Variants in PCDHA6 observed in about 807,000 individuals in gnomAD.
PCDHA6 encodes the protein protocadherin alpha 6.
Under a neutral mutation model 60.3 loss-of-function variants are expected in PCDHA6, and 55 were observed. That is an observed-to-expected ratio of 0.91 (90% CI 0.73 to 1.14). The LOEUF (loss-of-function observed/expected upper bound fraction) is 1.14, where lower values mean the gene tolerates loss of function less well. Among genes scored for constraint, PCDHA6 ranks in the 50% most tolerant of loss-of-function variants. PCDHA6 has a pLI of 0.00. For missense variants in PCDHA6, 1,327 were observed against 1,256.5 expected (o/e 1.06, Z -0.85); for synonymous variants, 652 against 557.9 (o/e 1.17, Z -2.38).
chr5:140,838,630 TG>T (rs1775811186), intron 1 of PCDHA6, among the ~76,000 whole-genome samples: 3 of 152,046 alleles, frequency 2.0e-5, no homozygotes, highest in African/African-American at 7.3e-5. Flanking sequence ...ACAAATAATT[TG>T]GTTGGTCAAA....
At chr5:140,866,711 G>A (rs1554160494) in intron 1 of PCDHA6, 1 of 152,110 alleles carries the variant, frequency 6.6e-6, no homozygotes, top group African/African-American at 2.4e-5. Flanking sequence ...ACGTGCACTA[G>A]TAAGACATTA....
At chr5:140,937,228 G>A (rs920892612) in intron 1 of PCDHA6, among the ~76,000 whole-genome samples, 1 of 151,718 alleles carries the variant, frequency 6.6e-6, no homozygotes, top group Admixed American at 6.6e-5. Context: ...TTGTAGAGAC[G>A]GGGTTTCACC....
intron 1 of PCDHA6, chr5:140,835,577 G>A: frequency 1.9e-6 from 3 of 1,613,890 alleles, no homozygotes; most frequent in Non-Finnish European, 2.5e-6. Flanking sequence ...TCAAGTTGGT[G>A]TCCACCTTCA....
At chr5:141,002,085 A>G (rs959603404) in intron 3 of PCDHA6, among the ~76,000 whole-genome samples, 1 of 152,244 alleles carries the variant, frequency 6.6e-6, no homozygotes, top group African/African-American at 2.4e-5. Context: ...AAGAACGAGC[A>G]GTCCAGGGGC....
At chr5:140,857,704 G>T in intron 1 of PCDHA6, 1 of 1,597,424 alleles carries the variant, frequency 6.3e-7, no homozygotes, top group Admixed American at 1.7e-5. Flanking sequence ...CGCTGCAGGT[G>T]TTCGTGCTGG....
At chr5:140,857,184 G>C in intron 1 of PCDHA6, 1 of 1,598,552 alleles carries the variant, frequency 6.3e-7, no homozygotes. Flanking sequence ...CATGATTCAG[G>C]AGCCAACGGA....
rs773891459 is a variant in PCDHA6, at chr5:140,856,191, C to T, written c.2394+25706C>T. The T allele has an allele frequency of 7.5e-6, 12 of 1,598,058 alleles. No homozygotes were observed. The South Asian group carries it at 1.2e-4, about 16-fold the overall frequency. On this transcript the variant is annotated intron_variant, in intron 1 of 3. Transcript: ENST00000529310. ...CACGGCACCTTCGTGGGCCGCATCG[C>T]GCAGGACCTGGGGCTGGAGCTGGCG...
chr5:140,928,262 A>T lies in PCDHA6; in HGVS notation c.2395-50687A>T, dbSNP rs199571652. ...CAGCAGGAACTTTTCGTTGCTGAAA[A>T]CAATGGCCCTGGGGCCTCTCTAGGC... is the stretch of plus-strand genomic sequence containing the variant. On this transcript the variant is annotated intron_variant, in intron 1 of 3. Coordinates refer to ENST00000529310, the MANE Select transcript of PCDHA6 (RefSeq NM_018909.4). 20 of 1,614,214 alleles carry T rather than the reference A, an allele frequency of 1.2e-5. No homozygotes were observed. In the Admixed American group the frequency reaches 2.2e-4, roughly 17 times the overall value.
intron 1 of PCDHA6, among the ~76,000 whole-genome samples, chr5:140,918,826 C>T (rs200767772): frequency 2.0e-5 from 3 of 149,724 alleles, no homozygotes; most frequent in African/African-American, 7.4e-5. Flanking sequence ...AAGTGGCCCC[C>T]TCCCCAGACA....
intron 1 of PCDHA6, among the ~76,000 whole-genome samples, chr5:140,957,571 G>C (rs2095367794): frequency 6.6e-6 from 1 of 152,186 alleles, no homozygotes; most frequent in South Asian, 2.1e-4. Context: ...AGGGACTACT[G>C]TACTTTTAAC....
At chr5:140,941,215 C>CTTTCTTTCTTTCTTTG (rs2092887387) in intron 1 of PCDHA6, among the ~76,000 whole-genome samples, 2 of 104,510 alleles carry the variant, frequency 1.9e-5, no homozygotes, top group Non-Finnish European at 4.1e-5. Context: ...TTCTTTCTTC[C>CTTTCTTTCTTTCTTTG]TTTCTTTCTT....
At position 140,829,975 on chromosome 5, in the gene PCDHA6, G is replaced by A. The variant is rs2150178918; in HGVS notation, c.1884G>A (p.Thr628=). 37 of 1,613,854 alleles carry A rather than the reference G, an allele frequency of 2.3e-5. No individual in the cohort carries two copies. Among genetic ancestry groups the A allele is most frequent in the Admixed American group, 3.3e-5 (2 of 60,000 alleles). Residue 628 remains threonine (T), a synonymous_variant, in exon 1 of 4, where the codon ACG becomes ACA. Coordinates refer to ENST00000529310, the MANE Select transcript of PCDHA6 (RefSeq NM_018909.4). ...TCCCGTTTCGCGTGGGGCTGTACAC[G>A]GGCGAGATCAGCACCACTCGTGTCC... ...ARFPFRVGLY[T]GEISTTRVLD...
At chr5:140,877,710 G>T in intron 1 of PCDHA6, 1 of 1,614,098 alleles carries the variant, frequency 6.2e-7, no homozygotes, top group Non-Finnish European at 8.5e-7. Context: ...GCGCCGTGGG[G>T]AGTTGGTCTT....
At chr5:140,885,107 T>G (rs2060471687) in intron 1 of PCDHA6, among the ~76,000 whole-genome samples, 1 of 152,238 alleles carries the variant, frequency 6.6e-6, no homozygotes, top group African/African-American at 2.4e-5. Context: ...TAAATGCTTT[T>G]TTTAAGTGCA....
At chr5:140,846,138 T>C (rs1780216655) in intron 1 of PCDHA6, among the ~76,000 whole-genome samples, 1 of 149,702 alleles carries the variant, frequency 6.7e-6, no homozygotes, top group Non-Finnish European at 1.5e-5. Flanking sequence ...ATGTTTCCCA[T>C]ATTTAAAAGT....
chr5:140,864,654 C>T (rs1554159035), intron 1 of PCDHA6: 1 of 152,246 alleles, frequency 6.6e-6, no homozygotes, highest in Non-Finnish European at 1.5e-5. Context: ...GTCAGCTCTA[C>T]TTAATTACCT....
chr5:140,949,053 C>T (rs2094339991), intron 1 of PCDHA6, among the ~76,000 whole-genome samples: 1 of 151,694 alleles, frequency 6.6e-6, no homozygotes, highest in Admixed American at 6.6e-5. Flanking sequence ...TTCTAATTTC[C>T]ATTATGATTT....
intron 1 of PCDHA6, among the ~76,000 whole-genome samples, chr5:140,966,026 G>C (rs1586101729): frequency 6.6e-6 from 1 of 152,290 alleles, no homozygotes; most frequent in Non-Finnish European, 1.5e-5. Context: ...TGGGAGTCAG[G>C]TGAATAGTTC....
intron 1 of PCDHA6, among the ~76,000 whole-genome samples, chr5:140,904,904 C>A (rs1463349424): frequency 6.6e-6 from 1 of 151,948 alleles, no homozygotes; most frequent in Non-Finnish European, 1.5e-5. Context: ...GTTTTTCTTA[C>A]TGATTTGTTT....
Sources: allele counts gnomAD v4.1 joint callset (sites outside exome capture counted in the v4.1 genomes callset), GRCh38; gene constraint gnomAD v4.1.1; transcripts MANE v1.5; gene names NCBI Gene and HGNC (gene_info 2026-07-23, HGNC 2026-07-21).